TSPAN32: variants seen among roughly 807,000 people sequenced by gnomAD.
The protein encoded by TSPAN32 is tetraspanin 32, also known as tetraspanin-32.
Under a neutral mutation model 42.7 loss-of-function variants are expected in TSPAN32, and 47 were observed. The observed-to-expected ratio is 1.10, with a 90% CI of 0.87 to 1.40. The LOEUF is 1.40. TSPAN32 is among the 40% of genes most tolerant of loss of function. TSPAN32 has a pLI of 0.00. For synonymous variants in TSPAN32, 175 were observed against 175.9 expected (o/e 0.99, Z 0.04); for missense variants, 469 against 424.1 (o/e 1.11, Z -0.93).
chr11:2,315,206 T>C (rs1241236602), intron 6 of TSPAN32: 3 of 645,630 alleles, frequency 4.6e-6, no homozygotes, highest in Non-Finnish European at 2.0e-6. Context: ...CCCGCTCCCC[T>C]CCCCTACTGT....
intron 1 of TSPAN32, 36 bp downstream of exon 1, chr11:2,302,251 G>GGGGGTGAGCA (rs1847794208): frequency 7.3e-7 from 1 of 1,379,172 alleles, no homozygotes. Context: ...GGTGGTGGGT[G>GGGGGTGAGCA]GGGGTGAGCA....
At chr11:2,308,051 C>G (rs972518653) in intron 3 of TSPAN32, among the ~76,000 whole-genome samples, 1 of 152,122 alleles carries the variant, frequency 6.6e-6, no homozygotes, top group Non-Finnish European at 1.5e-5. Context: ...AGGTCCATGC[C>G]CCTCAGGAAG....
intron 3 of TSPAN32, among the ~76,000 whole-genome samples, chr11:2,306,033 TGTGCAG>T (rs1848062309): frequency 6.8e-6 from 1 of 147,828 alleles, no homozygotes; most frequent in Non-Finnish European, 1.5e-5. Context: ...TGTGTGTGCG[TGTGCAG>T]GTGCCTCTGT....
chr11:2,313,769 C>T lies in TSPAN32; in HGVS notation c.456+14C>T, dbSNP rs373489237. ...ATCCAGGACGTGGTGAGCGTGGGGA[C>T]GGCTGGGTGGCAGGGCGGTCAGCTT... On this transcript the variant is annotated intron_variant, in intron 5 of 9. Transcript: ENST00000182290. The surrounding 1 kb of genome is among the most constrained non-coding windows in gnomAD (Gnocchi z 9.1). The T allele has an allele frequency of 2.7e-5, 42 of 1,573,600 alleles. No individual in the cohort carries two copies. Among genetic ancestry groups the T allele is most frequent in the African/African-American group, 1.1e-4 (8 of 74,158 alleles).
intron 2 of TSPAN32, among the ~76,000 whole-genome samples, 164 bp from the exon 3 acceptor site, chr11:2,303,940 CCCT>C (rs1466191329): frequency 3.9e-5 from 6 of 152,172 alleles, no homozygotes; most frequent in Non-Finnish European, 8.8e-5. Flanking sequence ...AGTCCCACCT[CCCT>C]CCTCCTTCCC....
chr11:2,315,161 C>G, intron 6 of TSPAN32: 23 of 589,214 alleles, frequency 3.9e-5, no homozygotes, highest in Non-Finnish European at 5.4e-5. Flanking sequence ...CGGCAGCCCT[C>G]CCCCAGCCCA....
intron 3 of TSPAN32, among the ~76,000 whole-genome samples, chr11:2,307,212 C>T (rs1049173379): frequency 2.0e-5 from 3 of 152,194 alleles, no homozygotes; most frequent in Admixed American, 6.5e-5. Context: ...CAGGGCTCCC[C>T]AGCTCTTTCC....
At chr11:2,308,684 G>A in intron 3 of TSPAN32, 52 bp from the exon 4 acceptor site, 1 of 689,088 alleles carries the variant, frequency 1.5e-6, no homozygotes, top group Non-Finnish European at 2.3e-6. Flanking sequence ...GCAGCGACCA[G>A]CCCCCCGCAG....
intron 6 of TSPAN32, 29 bp from the exon 7 acceptor site, chr11:2,316,200 C>CGGGT (rs1003978791): frequency 6.5e-7 from 1 of 1,530,376 alleles, no homozygotes; most frequent in Non-Finnish European, 8.8e-7. Context: ...CCGCTCAGGG[C>CGGGT]GGGTACCATG....
chr11:2,314,395 T>C, intron 5 of TSPAN32, 90 bp from the exon 6 acceptor site: 1 of 1,036,746 alleles, frequency 9.6e-7, no homozygotes. Flanking sequence ...CCCACCTGGA[T>C]ACTTGTGGTG....
rs1202174935 is a variant in TSPAN32, at chr11:2,308,632, C to T, written c.280-104C>T. Reference sequence around the variant, plus strand: ...GACCAGCCCCCCATAGTGACCGGCCCCCCACAGTGACTGGCCCGCCCACAG... The same window carrying T: ...GACCAGCCCCCCATAGTGACCGGCCTCCCACAGTGACTGGCCCGCCCACAG... On this transcript the variant is annotated intron_variant, in intron 3 of 9. Coordinates refer to ENST00000182290, the MANE Select transcript of TSPAN32 (RefSeq NM_139022.3). 3.1e-5 allele frequency: 3 copies of T among 97,906 alleles called. 1 individual carries two copies. The highest frequency in any genetic ancestry group is 4.1e-4 in the Admixed American group (2 of 4,916). The allele number at this position is 97,906 out of a possible 1,614,324, so 6.1% of individuals were successfully genotyped here. A position where few individuals can be genotyped will look rare whatever the true frequency, so the allele number is the denominator to read the frequency against.
intron 4 of TSPAN32, chr11:2,309,190 G>A (rs967353028): frequency 4.3e-5 from 17 of 392,282 alleles, no homozygotes; most frequent in Admixed American, 1.5e-4. Context: ...AGAAGGAGCA[G>A]AGTGTTCCAG....
intron 5 of TSPAN32, among the ~76,000 whole-genome samples, chr11:2,314,237 T>A (rs559983710): frequency 6.6e-6 from 1 of 151,806 alleles, no homozygotes; most frequent in South Asian, 2.1e-4. Context: ...GCGGGGAAGC[T>A]GCCTGGCTCC....
chr11:2,317,833 T>C lies in TSPAN32; in HGVS notation c.902-30T>C, dbSNP rs1331118692. On this transcript the variant is annotated intron_variant, in intron 9 of 9. Transcript: ENST00000182290. The surrounding 1 kb of genome is among the most constrained non-coding windows in gnomAD (Gnocchi z 6.2). Reference sequence around the variant, plus strand: ...TAAGAAGCAGCATGGATGTAAGGACTGCAAGCAGTGCCCATTTATGATCTC... The same window carrying C: ...TAAGAAGCAGCATGGATGTAAGGACCGCAAGCAGTGCCCATTTATGATCTC... 6.2e-7 allele frequency: 1 copy of C among 1,600,242 alleles called. No homozygotes were observed. The highest frequency in any genetic ancestry group is 8.6e-7 in the Non-Finnish European group (1 of 1,168,878).
At chr11:2,303,806 C>T (rs1266732769) in intron 2 of TSPAN32, among the ~76,000 whole-genome samples, 2 of 152,120 alleles carry the variant, frequency 1.3e-5, no homozygotes, top group Non-Finnish European at 2.9e-5. Flanking sequence ...GATAAGATTA[C>T]AGCTCCAGTC....
In TSPAN32 at chr11:2,317,797, T is replaced by A. The variant is rs1336854413; in HGVS notation, c.902-66T>A. The A allele has an allele frequency of 6.3e-7, 1 of 1,594,874 alleles. No individual in the cohort carries two copies. The highest frequency in any genetic ancestry group is 1.3e-5 in the African/African-American group (1 of 74,368). Reference sequence around the variant, plus strand: ...ACCCAGACACAAGCTGCACTGGTTTTCTATGCTGCGTAAGAAGCAGCATGG... The same window carrying A: ...ACCCAGACACAAGCTGCACTGGTTTACTATGCTGCGTAAGAAGCAGCATGG... On this transcript the variant is annotated intron_variant, in intron 9 of 9. Transcript: ENST00000182290. This position sits in a 1 kb window ranked among gnomAD's most constrained non-coding sequence, Gnocchi z 6.2.
intron 2 of TSPAN32, chr11:2,303,410 G>A (rs2133286615): frequency 4.7e-6 from 1 of 210,960 alleles, no homozygotes. Flanking sequence ...CTCCCTGCAG[G>A]GACTCAGCAG....
At chr11:2,306,955 G>GGGGGAAGGAGGGAGGACAAGGGAGGA (rs1328058502) in intron 3 of TSPAN32, 2 of 17,442 alleles carry the variant, frequency 1.1e-4, no homozygotes, top group South Asian at 1.4e-3. Flanking sequence ...AGAAGGAGGA[G>GGGGGAAGGAGGGAGGACAAGGGAGGA]GGAGAAGGAG....
At chr11:2,307,636 G>T (rs1848197163) in intron 3 of TSPAN32, among the ~76,000 whole-genome samples, 2 of 152,180 alleles carry the variant, frequency 1.3e-5, no homozygotes, top group African/African-American at 4.8e-5. Context: ...TCTCAGAGGA[G>T]GGGTCTCTCG....
Sources: gnomAD v4.1 joint callset for allele counts (sites outside exome capture counted in the v4.1 genomes callset) on GRCh38, gnomAD v4.1.1 for gene constraint, Gnocchi (gnomAD v3.1) non-coding constraint, MANE v1.5 for transcripts, NCBI Gene and HGNC (gene_info 2026-07-23, HGNC 2026-07-21) for gene names.